Variants in PIEZO2 observed in about 807,000 individuals in gnomAD.
PIEZO2 encodes the protein piezo-type mechanosensitive ion channel component 2.
PIEZO2 carries 172 observed loss-of-function variants against 337.3 expected under a neutral mutation model. That is an observed-to-expected ratio of 0.51 (90% CI 0.45 to 0.58). The LOEUF (loss-of-function observed/expected upper bound fraction) is 0.58. PIEZO2 is among the 20% of genes least tolerant of loss of function. The pLI is 0.00. For missense variants in PIEZO2, 3,028 were observed against 3,391.3 expected (o/e 0.89, Z 2.66); for synonymous variants, 1,251 against 1,228.5 (o/e 1.02, Z -0.38).
intron 1 of PIEZO2, among the ~76,000 whole-genome samples, chr18:11,095,455 C>T (rs1269464005): frequency 6.6e-6 from 1 of 152,140 alleles, no homozygotes; most frequent in Non-Finnish European, 1.5e-5. Context: ...GCGAGTTGCC[C>T]CAAGTCAGAC....
chr18:10,971,501 G>A (rs904748670), intron 3 of PIEZO2, among the ~76,000 whole-genome samples: 2 of 152,114 alleles, frequency 1.3e-5, no homozygotes, highest in African/African-American at 2.4e-5. Flanking sequence ...TGGTAGGGAC[G>A]GTGGGTTCAA....
chr18:11,087,312 T>G (rs1307822231), intron 1 of PIEZO2, among the ~76,000 whole-genome samples: 1 of 152,152 alleles, frequency 6.6e-6, no homozygotes, highest in Non-Finnish European at 1.5e-5. Context: ...CCACCCTTAG[T>G]GTCATTTTCA....
At chr18:10,704,185 T>C (rs2035464493) in intron 42 of PIEZO2, 1 of 640,722 alleles carries the variant, frequency 1.6e-6, no homozygotes, top group Non-Finnish European at 2.6e-6. Context: ...AGGTGTGCAG[T>C]GTGAAAAGAT....
Position 10,767,845 on chromosome 18 carries a change from C to T in PIEZO2, c.2946+2303G>A, listed in dbSNP as rs1179704066. Among the ~76,000 whole-genome samples the T allele has an allele frequency of 1.3e-5, 2 of 152,140 alleles. No homozygotes were observed. The highest frequency in any genetic ancestry group is 2.9e-5 in the Non-Finnish European group (2 of 68,026). On this transcript the variant is annotated intron_variant, in intron 21 of 55. Transcript: ENST00000674853. The surrounding 1 kb of genome is among the most constrained non-coding windows in gnomAD (Gnocchi z 4.2). ...GCAACCAGGGGCTGGGTGTCAGTGC[C>T]GGCCAAGAGTGGCTGTGGGATGCCC...
Position 10,671,767 on chromosome 18 carries a change from T to C in PIEZO2, c.8358A>G (p.Leu2786=), listed in dbSNP as rs371490135. The change falls in exon 56 of 56, where the codon TTA becomes TTG. Residue 2786 remains leucine (L), a synonymous_variant. Transcript: ENST00000674853. ...GFLAGYGIMG[L]YASVVLVIGK... is the part of the protein sequence containing the mutation. ...CAATCACAAGGACAACTGAAGCATA[T>C]AATCCCATAATACTGAAAAAAACAG... 4.5e-5 allele frequency: 72 copies of C among 1,612,676 alleles called. No individual in the cohort carries two copies. The highest frequency in any genetic ancestry group is 5.9e-5 in the Non-Finnish European group (70 of 1,179,294).
chr18:11,034,299 CT>C (rs1376344551), intron 2 of PIEZO2, among the ~76,000 whole-genome samples: 2 of 149,020 alleles, frequency 1.3e-5, no homozygotes, highest in East Asian at 2.0e-4. Context: ...CTTTTCTTTT[CT>C]TTTTTTTTTC....
chr18:10,936,415 A>AT (rs959856727), intron 3 of PIEZO2, among the ~76,000 whole-genome samples: 14 of 152,026 alleles, frequency 9.2e-5, no homozygotes, highest in African/African-American at 3.1e-4. Context: ...TCCTCCGAAA[A>AT]TTTTTTTTAA....
rs34468777 is a variant in PIEZO2, at chr18:10,809,579, CTT to C, written c.918-2307_918-2306del. Among the ~76,000 whole-genome samples the C allele has an allele frequency of 4.1e-3, 605 of 149,028 alleles. 3 individuals carry two copies. The highest frequency in any genetic ancestry group is 0.014 in the African/African-American group (573 of 40,472). On this transcript the variant is annotated intron_variant, in intron 7 of 55. Coordinates refer to ENST00000674853, the MANE Select transcript of PIEZO2 (RefSeq NM_001378183.1). ...CACCGCACCTGGCATCTCTCTCTCTCTTTTTTTTTTTCTAAAGAAACTAGATA... is the reference window on the plus strand; with the variant it reads ...CACCGCACCTGGCATCTCTCTCTCTCTTTTTTTTTCTAAAGAAACTAGATA...
At chr18:10,901,430 G>GCA (rs34887184) in intron 4 of PIEZO2, among the ~76,000 whole-genome samples, 11,601 of 147,922 alleles carry the variant, frequency 0.078, 487 homozygotes, top group Middle Eastern at 0.094. Context: ...ACACACACAC[G>GCA]CACACACACA....
intron 1 of PIEZO2, among the ~76,000 whole-genome samples, chr18:11,113,421 A>G (rs2039791771): frequency 1.3e-5 from 2 of 152,202 alleles, no homozygotes; most frequent in Admixed American, 1.3e-4. Flanking sequence ...TTGAGCAAAT[A>G]ACAGGACAGC....
rs745982097 is a variant in PIEZO2, at chr18:10,696,553, A to AC, written c.6828-15dup. 6 of 1,611,082 alleles carry AC rather than the reference A, an allele frequency of 3.7e-6. No individual in the cohort carries two copies. The South Asian group carries it at 4.4e-5, about 12-fold the overall frequency. On this transcript the variant is annotated splice_polypyrimidine_tract_variant and intron_variant, in intron 45 of 55. Coordinates refer to ENST00000674853, the MANE Select transcript of PIEZO2 (RefSeq NM_001378183.1). ...ATCTCCAGCGTCCTGCAAAATGGAG[A>AC]CCCCCACCCCCAACCCACTTGTTTC... is the stretch of plus-strand genomic sequence containing the variant.
rs2039255243 is a variant in PIEZO2, at chr18:11,096,070, G to A, written c.65-29848C>T. 6.6e-6 allele frequency among the ~76,000 whole-genome samples: 1 copy of A among 152,220 alleles called. No individual in the cohort carries two copies. The highest frequency in any genetic ancestry group is 2.1e-4 in the South Asian group (1 of 4,830). ...CAGCTTTGCCTCCACTGCATGGAAA[G>A]GGCTTGGAACCAGCGGAGCTGTCCA... On this transcript the variant is annotated intron_variant, in intron 1 of 55. Transcript: ENST00000674853. This position sits in a 1 kb window ranked among gnomAD's most constrained non-coding sequence, Gnocchi z 4.6.
chr18:11,067,757 T>G (rs1480962323), intron 1 of PIEZO2, among the ~76,000 whole-genome samples: 1 of 152,212 alleles, frequency 6.6e-6, no homozygotes, highest in Non-Finnish European at 1.5e-5. Context: ...GACTATAATG[T>G]AATAATAGCA....
rs1334512173 is a variant in PIEZO2 at position 10,807,247 on chromosome 18, T to C, written c.945A>G (p.Gln315=). The C allele has an allele frequency of 6.5e-7, 1 of 1,536,996 alleles. No individual in the cohort carries two copies. The highest frequency in any genetic ancestry group is 1.4e-5 in the African/African-American group (1 of 73,036). Residue 315 remains glutamine (Q), a synonymous_variant, in exon 8 of 56, where the codon CAA becomes CAG. Transcript: ENST00000674853. ...TCTTCCAAGTACTTGAACAGTCCGT[T>C]TGAATTACTGACTTGATACCAAACA... is the stretch of plus-strand genomic sequence containing the variant. ...ARLFGIKSVI[Q]TDCSSTWKII...
rs138617189 is a variant in PIEZO2 at position 10,783,896 on chromosome 18, A to G, written c.2492+888T>C. Among the ~76,000 whole-genome samples, 1,518 of 152,368 alleles carry G rather than the reference A, an allele frequency of 1.0e-2. 31 individuals are homozygous for G. Among genetic ancestry groups the G allele is most frequent in the African/African-American group, 0.035 (1,454 of 41,588 alleles). On this transcript the variant is annotated intron_variant, in intron 17 of 55. Transcript: ENST00000674853. This position sits in a 1 kb window ranked among gnomAD's most constrained non-coding sequence, Gnocchi z 4.3. The stretch of plus-strand genomic sequence containing the variant: ...GGAAGTTTGGCATTTTACGAAATGC[A>G]TATCATGAACTCCTACTTCATCTTC...
chr18:10,782,366 A>T lies in PIEZO2; in HGVS notation c.2493-2000T>A, dbSNP rs1173022677. 6.5e-3 allele frequency among the ~76,000 whole-genome samples: 226 copies of T among 34,960 alleles called. 1 individual carries two copies. The highest frequency in any genetic ancestry group is 0.012 in the Admixed American group (21 of 1,806). The allele number at this position is 34,960 out of a possible 152,430, so 22.9% of individuals were successfully genotyped here. A position where few individuals can be genotyped will look rare whatever the true frequency, so the allele number is the denominator to read the frequency against. On this transcript the variant is annotated intron_variant, in intron 17 of 55. Transcript: ENST00000674853. ...TTATAATATATTATAATTATATATA[A>T]ATAATTATAATATATTATAATTATA... is the stretch of plus-strand genomic sequence containing the variant.
At position 10,855,351 on chromosome 18, in the gene PIEZO2, A is replaced by C; in HGVS notation, c.917+2T>G. 1 of 1,530,052 alleles carries C rather than the reference A, an allele frequency of 6.5e-7. No homozygotes were observed. The highest frequency in any genetic ancestry group is 1.4e-5 in the African/African-American group (1 of 73,020). The allele number at this position is 1,530,052 out of a possible 1,614,324, so 94.8% of individuals were successfully genotyped here. On this transcript the variant is annotated splice_donor_variant, in intron 7 of 55. Transcript: ENST00000674853. LOFTEE classifies it high-confidence loss of function. The surrounding 1 kb of genome is among the most constrained non-coding windows in gnomAD (Gnocchi z 4.9). ...TGGAAATGCCATAAGGATTTCTCTT[A>C]CCTTGCATAGTAGTCATTGGGTGGA...
intron 54 of PIEZO2, among the ~76,000 whole-genome samples, chr18:10,674,414 T>C (rs1411821427): frequency 2.6e-5 from 4 of 152,278 alleles, no homozygotes; most frequent in Non-Finnish European, 5.9e-5. Context: ...GAGATACTTA[T>C]TTACTGCTGA....
intron 5 of PIEZO2, among the ~76,000 whole-genome samples, chr18:10,860,663 G>T (rs1013759181): frequency 6.6e-6 from 1 of 152,198 alleles, no homozygotes; most frequent in African/African-American, 2.4e-5. Context: ...ACTTGAAAAA[G>T]AAGCCAAAGA....
Sources: allele counts gnomAD v4.1 joint callset (sites outside exome capture counted in the v4.1 genomes callset), GRCh38; gene constraint gnomAD v4.1.1; non-coding constraint Gnocchi (gnomAD v3.1); transcripts MANE v1.5; gene names NCBI Gene and HGNC (gene_info 2026-07-23, HGNC 2026-07-21).